The following SEC16B variants were observed in gnomAD, a reference collection of about 807,000 sequenced individuals.
SEC16B encodes the protein SEC16 homolog B, endoplasmic reticulum export factor, also known as protein transport protein Sec16B.
A neutral mutation model predicts 141.8 loss-of-function variants in SEC16B; 115 were observed. The observed-to-expected ratio is 0.81, with a 90% CI of 0.70 to 0.95. The LOEUF (loss-of-function observed/expected upper bound fraction) is 0.95, where lower values mean the gene tolerates loss of function less well. Ranked by LOEUF, SEC16B falls within the 40% of genes least tolerant of loss-of-function variation. The pLI, the probability that SEC16B is intolerant of heterozygous loss-of-function variation, is 0.00. For missense variants in SEC16B, 1,291 were observed against 1,312.3 expected, an observed-to-expected ratio of 0.98 and a Z score of 0.25; for synonymous variants, 493 against 492.5, an observed-to-expected ratio of 1.00 and a Z score of -0.01.
At chr1:177,953,457 G>T (rs772878011) in intron 11 of SEC16B, among the ~76,000 whole-genome samples, 3 of 152,146 alleles carry the variant, frequency 2.0e-5, no homozygotes, top group Non-Finnish European at 2.9e-5. Flanking sequence ...ACCCAAGTCT[G>T]CCCCTTAAAG....
Position 177,965,110 on chromosome 1 carries a change from AG to A in SEC16B, c.469del (p.Asp158MetfsTer116). The A allele has an allele frequency of 6.2e-7, 1 of 1,613,678 alleles. No homozygotes were observed. Among genetic ancestry groups the A allele is most frequent in the Non-Finnish European group, 8.5e-7 (1 of 1,179,766 alleles). ...WHEDYREQKY[L>X]DEHHYENQHS... ...CTGGTTTTCATAATGATGTTCATCA[AG>A]GTACTTTTGCTCTCGGTAATCTTCG... On this transcript the variant is annotated frameshift_variant, in exon 4 of 26. Transcript: ENST00000308284. LOFTEE classifies it high-confidence loss of function.
intron 1 of SEC16B, among the ~76,000 whole-genome samples, chr1:177,979,795 C>T (rs996381858): frequency 5.3e-5 from 8 of 152,294 alleles, no homozygotes; most frequent in African/African-American, 1.9e-4. Context: ...ATGTGGATGG[C>T]AGCAGGCAAA....
intron 20 of SEC16B, among the ~76,000 whole-genome samples, chr1:177,935,028 C>T (rs958984918): frequency 2.6e-5 from 4 of 152,062 alleles, no homozygotes; most frequent in Non-Finnish European, 4.4e-5. Flanking sequence ...CCCTTAACTA[C>T]ACCAAGGGAG....
chr1:177,961,793 C>A, intron 5 of SEC16B, 59 bp from the exon 6 acceptor site: 1 of 1,529,452 alleles, frequency 6.5e-7, no homozygotes, highest in Non-Finnish European at 8.9e-7. Flanking sequence ...TCTTCTCAAG[C>A]GTTCCTTCAA....
intron 11 of SEC16B, among the ~76,000 whole-genome samples, chr1:177,952,328 C>T (rs1652257152): frequency 6.6e-6 from 1 of 152,150 alleles, no homozygotes; most frequent in African/African-American, 2.4e-5. Flanking sequence ...CCTGGAGAGC[C>T]ACAGCAGTTT....
chr1:177,960,803 C>T lies in SEC16B; in HGVS notation c.924G>A (p.Leu308=), dbSNP rs1183343380. 6.2e-7 allele frequency: 1 copy of T among 1,604,950 alleles called. No homozygotes were observed. Among genetic ancestry groups the T allele is most frequent in the Non-Finnish European group, 8.5e-7 (1 of 1,174,616 alleles). The change falls in exon 7 of 26, where the codon CTG becomes CTA. Residue 308 remains leucine, a synonymous_variant. Coordinates refer to ENST00000308284, the MANE Select transcript of SEC16B (RefSeq NM_033127.4). ...PTDGQAALVE[L]HSMEVILNDS... ...GGGTCTTCTTTACCTCCATGCTGTG[C>T]AGTTCAACAAGGGCTGCTTGCCCGT... is the stretch of plus-strand genomic sequence containing the variant.
chr1:177,940,337 G>A (rs906442820), intron 17 of SEC16B, among the ~76,000 whole-genome samples: 2 of 152,170 alleles, frequency 1.3e-5, no homozygotes, highest in Non-Finnish European at 2.9e-5. Context: ...GGGCCTCAGG[G>A]AAGGATGGCA....
At chr1:177,952,548 CTGA>C (rs1400617362) in intron 11 of SEC16B, among the ~76,000 whole-genome samples, 2 of 152,122 alleles carry the variant, frequency 1.3e-5, no homozygotes, top group Non-Finnish European at 2.9e-5. Flanking sequence ...AATGATCCTG[CTGA>C]TGACAAACCA....
In SEC16B at chr1:177,958,952, A is replaced by G. The variant is rs1220554516; in HGVS notation, c.1022T>C (p.Ile341Thr). The G allele has an allele frequency of 6.2e-7, 1 of 1,613,382 alleles. No homozygotes were observed. Among genetic ancestry groups the G allele is most frequent in the African/African-American group, 1.3e-5 (1 of 74,896 alleles). ...TGCTTTCTGCTGGCAAAACGTCATA[A>G]TATCCACCTTATGTACATCTTCCCT... is the stretch of plus-strand genomic sequence containing the variant. ...LIREDVHKVD[I>T]MTFCQQKAAQ... Residue 341 changes from isoleucine (I) to threonine (T), a missense_variant, in exon 9 of 26, where the codon ATT becomes ACT. Ile to Thr is a moderately conservative substitution (Grantham distance 89, BLOSUM62 -1). Coordinates refer to ENST00000308284, the MANE Select transcript of SEC16B (RefSeq NM_033127.4).
Position 177,937,385 on chromosome 1 carries a change from G to A in SEC16B, c.2332C>T (p.Leu778Phe). 1 of 1,612,594 alleles carries A rather than the reference G, an allele frequency of 6.2e-7. No individual in the cohort carries two copies. The highest frequency in any genetic ancestry group is 8.5e-7 in the Non-Finnish European group (1 of 1,179,402). ...LQPSPQQPFP[L>F]QPGSYPAGGG... is the part of the protein sequence containing the mutation. ...CCTGCTGGGTAGGAGCCCGGCTGGA[G>A]GGGAAAGGGCTGCTGTGGGCTGGGC... is the stretch of plus-strand genomic sequence containing the variant. The change falls in exon 19 of 26, where the codon CTC becomes TTC. Residue 778 changes from leucine to phenylalanine, a missense_variant. Around this residue, in one of 3 missense-constraint regions of SEC16B, gnomAD observed 605 missense variants for 614.1 expected, o/e 0.99. Transcript: ENST00000308284.
At position 177,958,863 on chromosome 1, in the gene SEC16B, C is replaced by T. The variant is rs763214218; in HGVS notation, c.1111G>A (p.Val371Ile). The change falls in exon 9 of 26, where the codon GTT (valine) becomes ATT (isoleucine). Residue 371 changes from valine to isoleucine, a missense_variant. Physicochemically the swap from Val to Ile is conservative, Grantham distance 29. Coordinates refer to ENST00000308284, the MANE Select transcript of SEC16B (RefSeq NM_033127.4). ...RDSALLWQLL[V>I]LLCRQNGSMV... The stretch of plus-strand genomic sequence containing the variant: ...ACCCCATTCTGGCGACAAAGGAGAA[C>T]CAAGAGCTGCCACAGTAGAGCTGAG... 43 of 1,613,660 alleles carry T rather than the reference C, an allele frequency of 2.7e-5. No individual in the cohort carries two copies. The highest frequency in any genetic ancestry group is 3.6e-5 in the Non-Finnish European group (42 of 1,179,682).
intron 4 of SEC16B, 116 bp downstream of exon 4, chr1:177,964,931 A>G (rs1197530351): frequency 1.6e-6 from 2 of 1,263,040 alleles, no homozygotes; most frequent in Admixed American, 2.0e-5. Flanking sequence ...TGTGGCTACA[A>G]CAAAGGTACA....
chr1:177,960,091 C>A (rs1362097065), intron 8 of SEC16B: 4 of 504,506 alleles, frequency 7.9e-6, no homozygotes, highest in Non-Finnish European at 1.4e-5. Context: ...GCAGCCTCTG[C>A]ATAATGGAAC....
chr1:177,940,856 T>C (rs150893143), intron 16 of SEC16B, 142 bp from the exon 17 acceptor site: 2 of 549,288 alleles, frequency 3.6e-6, no homozygotes, highest in Non-Finnish European at 6.3e-6. Context: ...AATTACATTA[T>C]AAAAAATAAT....
intron 9 of SEC16B, 54 bp downstream of exon 9, chr1:177,958,786 C>T (rs1358904551): frequency 1.3e-6 from 2 of 1,568,866 alleles, no homozygotes; most frequent in Admixed American, 1.8e-5. Flanking sequence ...TTATCTATCC[C>T]ATGAAGACTT....
At chr1:177,949,803 A>G (rs968782500) in intron 12 of SEC16B, among the ~76,000 whole-genome samples, 1 of 152,172 alleles carries the variant, frequency 6.6e-6, no homozygotes, top group Non-Finnish European at 1.5e-5. Flanking sequence ...CACCCCATTC[A>G]TCACATGGAA....
Position 177,934,976 on chromosome 1 carries a change from C to T in SEC16B, c.2571+1322G>A, listed in dbSNP as rs74562127. Among the ~76,000 whole-genome samples, 1,241 of 152,172 alleles carry T rather than the reference C, an allele frequency of 8.2e-3. 19 individuals are homozygous for T. Among genetic ancestry groups the T allele is most frequent in the African/African-American group, 0.028 (1,159 of 41,530 alleles). ...CAGCCTTGTTTCTCAGCCCTCCTCCCTACTGCTCCCCACTCTCAGGGCACA... is the reference window on the plus strand; with the variant it reads ...CAGCCTTGTTTCTCAGCCCTCCTCCTTACTGCTCCCCACTCTCAGGGCACA... On this transcript the variant is annotated intron_variant, in intron 20 of 25. Coordinates refer to ENST00000308284, the MANE Select transcript of SEC16B (RefSeq NM_033127.4).
chr1:177,979,545 T>A (rs181160582), intron 1 of SEC16B, among the ~76,000 whole-genome samples: 1 of 152,198 alleles, frequency 6.6e-6, no homozygotes, highest in African/African-American at 2.4e-5. Context: ...AGCAGGACAA[T>A]TTCCATAGAA....
rs547151020 is a variant in SEC16B, at chr1:177,933,281, C to T, written c.2756G>A (p.Arg919Gln). The change falls in exon 22 of 26, where the codon CGA (arginine) becomes CAA (glutamine). Residue 919 changes from arginine to glutamine, a missense_variant. Transcript: ENST00000308284. ...SSGFGWFSWFRSKPTKNASPA... is the reference protein window; with the variant it reads ...SSGFGWFSWFQSKPTKNASPA... ...GGATGCGTTCTTGGTGGGCTTCGAT[C>T]GAAACCAGCTGAACCAGCCAAACCC... 19 of 1,600,762 alleles carry T rather than the reference C, an allele frequency of 1.2e-5. No homozygotes were observed. Among genetic ancestry groups the T allele is most frequent in the East Asian group, 6.8e-5 (3 of 44,270 alleles).
Sources: gnomAD v4.1 joint callset for allele counts (sites outside exome capture counted in the v4.1 genomes callset) on GRCh38, gnomAD v4.1.1 for gene constraint, gnomAD v4.1.1 regional missense constraint, MANE v1.5 for transcripts, NCBI Gene and HGNC (gene_info 2026-07-23, HGNC 2026-07-21) for gene names.